The following TOX4 variants were observed in gnomAD, a reference collection of about 807,000 sequenced individuals.
TOX4 encodes the protein epidermal Langerhans cell protein LCP1.
TOX4 carries 12 observed loss-of-function variants against 61.0 expected under a neutral mutation model. The observed-to-expected ratio is 0.20, with a 90% CI of 0.13 to 0.32. The LOEUF is 0.32. Ranked by LOEUF, TOX4 falls within the 10% of genes least tolerant of loss-of-function variation. TOX4 has a pLI of 1.00. For missense variants in TOX4, 499 were observed against 753.3 expected (o/e 0.66, Z 3.95); for synonymous variants, 268 against 274.8 (o/e 0.98, Z 0.24).
intron 2 of TOX4, among the ~76,000 whole-genome samples, chr14:21,480,251 A>G (rs1479762425): frequency 1.3e-5 from 2 of 152,228 alleles, no homozygotes; most frequent in Non-Finnish European, 2.9e-5. Flanking sequence ...GAAACTTTCC[A>G]GGTTTGAATC....
chr14:21,493,127 A>G lies in TOX4; in HGVS notation c.1511A>G (p.Gln504Arg). The G allele has an allele frequency of 6.2e-7, 1 of 1,614,018 alleles. No individual in the cohort carries two copies. The highest frequency in any genetic ancestry group is 8.5e-7 in the Non-Finnish European group (1 of 1,180,028). ...GTGCCTCTACCCACTTTGAAAATGCAGACTACCTTAGTCCCACCAACTGTG... is the reference window on the plus strand; with the variant it reads ...GTGCCTCTACCCACTTTGAAAATGCGGACTACCTTAGTCCCACCAACTGTG... ...KSVPLPTLKMQTTLVPPTVES... is the reference protein window; with the variant it reads ...KSVPLPTLKMRTTLVPPTVES... The change falls in exon 7 of 9, where the codon CAG (glutamine) becomes CGG (arginine). Residue 504 changes from glutamine to arginine, a missense_variant. Gln to Arg is a conservative substitution (Grantham distance 43). Coordinates refer to ENST00000448790, the MANE Select transcript of TOX4 (RefSeq NM_014828.4).
intron 2 of TOX4, among the ~76,000 whole-genome samples, chr14:21,480,085 G>T (rs924861585): frequency 6.6e-6 from 1 of 152,068 alleles, no homozygotes; most frequent in Non-Finnish European, 1.5e-5. Context: ...CTCCCACCTT[G>T]GCCTCCCAAA....
intron 2 of TOX4, among the ~76,000 whole-genome samples, chr14:21,478,612 A>G (rs1162985534): frequency 6.6e-6 from 1 of 152,218 alleles, no homozygotes; most frequent in Non-Finnish European, 1.5e-5. Flanking sequence ...TCTGTCTTTG[A>G]GAAACTGAAG....
In TOX4 at chr14:21,498,439, G is replaced by A. The variant is rs149731858; in HGVS notation, c.*1833G>A. 3 of 1,460,662 alleles carry A rather than the reference G, an allele frequency of 2.1e-6. No individual in the cohort carries two copies. Among genetic ancestry groups the A allele is most frequent in the East Asian group, 2.3e-5 (1 of 43,908 alleles). 90.5% of individuals were successfully genotyped at this position (1,460,662 alleles called of 1,614,324 possible). A position where few individuals can be genotyped will look rare whatever the true frequency, so the allele number is the denominator to read the frequency against. ...AGAGGGTTTAATATTGTTAAAAAAT[G>A]CATACCAAATGAAGACTGCCTATCA... On this transcript the variant is annotated 3_prime_UTR_variant, in exon 9 of 9. Coordinates refer to ENST00000448790, the MANE Select transcript of TOX4 (RefSeq NM_014828.4).
In TOX4 at chr14:21,477,259, G is replaced by C; in HGVS notation, c.-20G>C. 1 of 1,614,118 alleles carries C rather than the reference G, an allele frequency of 6.2e-7. No individual in the cohort carries two copies. Among genetic ancestry groups the C allele is most frequent in the South Asian group, 1.1e-5 (1 of 91,080 alleles). ...GTGGGAGCGATGAGGGTCTGAGACG[G>C]TGGGAGCGGTTGTGTGAAGATGGAG... On this transcript the variant is annotated 5_prime_UTR_variant, in exon 1 of 9. Transcript: ENST00000448790.
chr14:21,478,518 A>G (rs946404610), intron 2 of TOX4, among the ~76,000 whole-genome samples: 1 of 150,586 alleles, frequency 6.6e-6, no homozygotes, highest in African/African-American at 2.4e-5. Flanking sequence ...TCGTTAAAAA[A>G]GTTTGGTTGA....
chr14:21,495,013 C>G (rs1184780370), intron 7 of TOX4, among the ~76,000 whole-genome samples: 2 of 152,104 alleles, frequency 1.3e-5, no homozygotes, highest in African/African-American at 4.8e-5. Flanking sequence ...CCACCTTTCT[C>G]CTGATGGGAA....
chr14:21,483,387 C>CTT lies in TOX4; in HGVS notation c.76-4050_76-4049dup, dbSNP rs34480307. On this transcript the variant is annotated intron_variant, in intron 2 of 8. Transcript: ENST00000448790. ...TTGATCCTTCTTCCTGTTCCTATAA[C>CTT]TTTTTTTTTTTTTTTGGTGTGAGAA... Among the ~76,000 whole-genome samples the CTT allele has an allele frequency of 2.3e-3, 328 of 143,200 alleles. 1 individual carries two copies. The highest frequency in any genetic ancestry group is 3.8e-3 in the African/African-American group (148 of 38,994). The allele number at this position is 143,200 out of a possible 152,430, so 93.9% of individuals were successfully genotyped here.
chr14:21,478,460 A>G (rs974907009), intron 2 of TOX4, among the ~76,000 whole-genome samples: 2 of 152,174 alleles, frequency 1.3e-5, no homozygotes, highest in African/African-American at 4.8e-5. Flanking sequence ...ATAGTTTCTT[A>G]TGCTGTTTTA....
intron 5 of TOX4, 112 bp downstream of exon 5, chr14:21,489,515 A>G: frequency 4.4e-6 from 4 of 907,478 alleles, no homozygotes; most frequent in South Asian, 3.5e-5. Flanking sequence ...CTGTTTGTTA[A>G]TGACACTTAA....
Position 21,477,229 on chromosome 14 carries a change from G to GGGCGGTGGGAGCGATGAGGGTCTGA in TOX4, c.-48_-24dup, listed in dbSNP as rs750642836. 2 of 1,614,156 alleles carry GGGCGGTGGGAGCGATGAGGGTCTGA rather than the reference G, an allele frequency of 1.2e-6. No homozygotes were observed. Among genetic ancestry groups the GGGCGGTGGGAGCGATGAGGGTCTGA allele is most frequent in the South Asian group, 1.1e-5 (1 of 91,084 alleles). On this transcript the variant is annotated 5_prime_UTR_variant, in exon 1 of 9. The change creates a new upstream start codon in the 5' untranslated region. Coordinates refer to ENST00000448790, the MANE Select transcript of TOX4 (RefSeq NM_014828.4). ...GTGACGGCAGTTCCGAGTCCAGTGG[G>GGGCGGTGGGAGCGATGAGGGTCTGA]GGCGGTGGGAGCGATGAGGGTCTGA...
At chr14:21,479,090 C>T (rs543377604) in intron 2 of TOX4, among the ~76,000 whole-genome samples, 121 of 150,588 alleles carry the variant, frequency 8.0e-4, no homozygotes, top group African/African-American at 2.9e-3. Context: ...GGATTACAGG[C>T]ATGAGCCAAT....
In TOX4 at chr14:21,492,707, A is replaced by G. The variant is rs776979696; in HGVS notation, c.1091A>G (p.Asn364Ser). The change falls in exon 7 of 9, where the codon AAT becomes AGT. Residue 364 changes from asparagine to serine, a missense_variant. By Grantham distance (46) the Asn-to-Ser change is conservative. Coordinates refer to ENST00000448790, the MANE Select transcript of TOX4 (RefSeq NM_014828.4). ...QASSGAGGQP[N>S]ITKLIITKQM... ...TCTTCTGGAGCTGGGGGTCAGCCCA[A>G]TATCACCAAGTTGATTATTACCAAA... The G allele has an allele frequency of 6.8e-6, 11 of 1,614,012 alleles. No individual in the cohort carries two copies. Among genetic ancestry groups the G allele is most frequent in the South Asian group, 2.2e-5 (2 of 91,078 alleles).
In TOX4 at chr14:21,497,736, C is replaced by G. The variant is rs1891439267; in HGVS notation, c.*1130C>G. The G allele has an allele frequency of 6.6e-6, 1 of 152,166 alleles. No individual in the cohort carries two copies. Among genetic ancestry groups the G allele is most frequent in the African/African-American group, 2.4e-5 (1 of 41,376 alleles). 9.4% of individuals were successfully genotyped at this position (152,166 alleles called of 1,614,324 possible). Reference sequence around the variant, plus strand: ...TAGAGACAGGGTTTCACCATGTTGGCCAGGCTGGTCTCGAACTCCTGACCT... The same window carrying G: ...TAGAGACAGGGTTTCACCATGTTGGGCAGGCTGGTCTCGAACTCCTGACCT... On this transcript the variant is annotated 3_prime_UTR_variant, in exon 9 of 9. Transcript: ENST00000448790.
intron 5 of TOX4, 32 bp from the exon 6 acceptor site, chr14:21,492,264 T>G (rs759861777): frequency 3.6e-5 from 53 of 1,472,838 alleles, no homozygotes; most frequent in Non-Finnish European, 4.7e-5. Context: ...ATGGGGAGTT[T>G]TGTTTTTTTT....
rs779360856 is a variant in TOX4, at chr14:21,477,268, G to C, written c.-11G>C. On this transcript the variant is annotated 5_prime_UTR_variant, in exon 1 of 9. Coordinates refer to ENST00000448790, the MANE Select transcript of TOX4 (RefSeq NM_014828.4). ...ATGAGGGTCTGAGACGGTGGGAGCG[G>C]TTGTGTGAAGATGGAGGTAGGAACC... 4 of 1,614,100 alleles carry C rather than the reference G, an allele frequency of 2.5e-6. No individual in the cohort carries two copies. The highest frequency in any genetic ancestry group is 3.4e-6 in the Non-Finnish European group (4 of 1,179,982).
intron 1 of TOX4, 63 bp downstream of exon 1, chr14:21,477,347 C>T: frequency 3.7e-6 from 6 of 1,613,690 alleles, no homozygotes; most frequent in Non-Finnish European, 5.1e-6. Context: ...GAAGCAGGGA[C>T]GGGAAGCCGG....
chr14:21,482,869 C>A (rs1440092831), intron 2 of TOX4, among the ~76,000 whole-genome samples: 1 of 149,986 alleles, frequency 6.7e-6, no homozygotes, highest in Non-Finnish European at 1.5e-5. Flanking sequence ...TTTTTTTTAA[C>A]CTTCTGTATT....
chr14:21,491,064 A>C (rs981510523), intron 5 of TOX4, among the ~76,000 whole-genome samples: 2 of 152,218 alleles, frequency 1.3e-5, no homozygotes, highest in African/African-American at 4.8e-5. Context: ...ACCTCAGGTG[A>C]TCCGCCTGCC....
Sources: gnomAD v4.1 joint callset for allele counts (sites outside exome capture counted in the v4.1 genomes callset) on GRCh38, gnomAD v4.1.1 for gene constraint, MANE v1.5 for transcripts, NCBI Gene and HGNC (gene_info 2026-07-23, HGNC 2026-07-21) for gene names.